The following RARB variants were observed in gnomAD, a reference collection of about 807,000 sequenced individuals.
The protein encoded by RARB is retinoic acid receptor beta, also known as HBV-activated protein.
A neutral mutation model predicts 51.9 loss-of-function variants in RARB; 17 were observed. That is an observed-to-expected ratio of 0.33 (90% CI 0.22 to 0.49). The LOEUF is 0.49. Among genes scored for constraint, RARB ranks in the 20% least tolerant of loss-of-function variants. The pLI is 0.99. For synonymous variants in RARB, 215 were observed against 195.4 expected, an observed-to-expected ratio of 1.10 and a Z score of -0.84; for missense variants, 369 against 550.8, an observed-to-expected ratio of 0.67 and a Z score of 3.30.
intron 1 of RARB, among the ~76,000 whole-genome samples, chr3:24,833,555 C>T (rs1301646031): frequency 6.6e-6 from 1 of 152,200 alleles, no homozygotes; most frequent in Admixed American, 6.5e-5. Context: ...TTAACGTCTC[C>T]ATTTGGATGT....
At chr3:25,483,899 G>A (rs1261783654) in intron 2 of RARB, among the ~76,000 whole-genome samples, 1 of 152,148 alleles carries the variant, frequency 6.6e-6, no homozygotes, top group Admixed American at 6.5e-5. Context: ...GTTCTCAAGT[G>A]CATATTGGGC....
chr3:25,266,080 A>C (rs67912541), intron 5 of RARB, among the ~76,000 whole-genome samples: 16,085 of 152,180 alleles, frequency 0.11, 1,006 homozygotes, highest in South Asian at 0.25. Flanking sequence ...TGCATAATCC[A>C]GGATCAATTC....
chr3:25,117,444 A>G (rs1211067450), intron 3 of RARB, among the ~76,000 whole-genome samples: 1 of 152,182 alleles, frequency 6.6e-6, no homozygotes, highest in Non-Finnish European at 1.5e-5. Context: ...CATGGGCCCA[A>G]TCAAAGAGCA....
intron 5 of RARB, among the ~76,000 whole-genome samples, chr3:25,217,345 A>T (rs988963234): frequency 2.0e-5 from 3 of 152,186 alleles, no homozygotes; most frequent in South Asian, 2.1e-4. Flanking sequence ...GATTATAAGC[A>T]TATATGACTC....
intron 5 of RARB, among the ~76,000 whole-genome samples, chr3:25,320,770 T>C (rs533478602): frequency 3.0e-4 from 45 of 152,288 alleles, no homozygotes; most frequent in Middle Eastern, 3.4e-3. Context: ...TGTTTGTTTG[T>C]TTTTGACCAG....
At chr3:24,932,216 T>C (rs892680933) in intron 2 of RARB, among the ~76,000 whole-genome samples, 2 of 152,002 alleles carry the variant, frequency 1.3e-5, no homozygotes, top group African/African-American at 4.8e-5. Context: ...CCTTGATCTA[T>C]AGGGCAAGCA....
intron 2 of RARB, among the ~76,000 whole-genome samples, chr3:25,499,297 T>C (rs1031510541): frequency 6.6e-6 from 1 of 152,236 alleles, no homozygotes; most frequent in Non-Finnish European, 1.5e-5. Flanking sequence ...TTTGATGATG[T>C]GTTTCTTACA....
intron 1 of RARB, among the ~76,000 whole-genome samples, chr3:24,851,492 C>T (rs73820098): frequency 0.01 from 1,563 of 151,694 alleles, 23 homozygotes; most frequent in African/African-American, 0.032. Flanking sequence ...TCAGCTGATG[C>T]GGTTCCGTCC....
At chr3:24,980,548 G>T (rs1440048203) in intron 2 of RARB, among the ~76,000 whole-genome samples, 5 of 151,972 alleles carry the variant, frequency 3.3e-5, no homozygotes, top group African/African-American at 1.2e-4. Context: ...TCTTCCACTT[G>T]ATCGAATCGG....
chr3:25,079,500 T>C (rs1404431563), intron 3 of RARB, among the ~76,000 whole-genome samples: 3 of 152,196 alleles, frequency 2.0e-5, no homozygotes, highest in Admixed American at 1.3e-4. Flanking sequence ...TACTAACAGC[T>C]GCTTATCATT....
chr3:24,970,706 A>G (rs1696379465), intron 2 of RARB, among the ~76,000 whole-genome samples: 1 of 151,908 alleles, frequency 6.6e-6, no homozygotes, highest in South Asian at 2.1e-4. Context: ...AAAAAAAAAT[A>G]CAGCATTGTG....
intron 5 of RARB, among the ~76,000 whole-genome samples, chr3:25,327,569 C>T (rs9832914): frequency 0.19 from 29,371 of 152,062 alleles, 3,027 homozygotes; most frequent in African/African-American, 0.26. Flanking sequence ...TCTTTAGATA[C>T]GTAAGGTCTC....
intron 5 of RARB, among the ~76,000 whole-genome samples, chr3:25,309,454 A>G (rs1229172543): frequency 4.9e-5 from 6 of 121,542 alleles, no homozygotes; most frequent in Admixed American, 1.8e-4. Context: ...TATTCTTACA[A>G]TGGAGTCTGA....
chr3:25,065,552 A>G (rs534069002), intron 3 of RARB, among the ~76,000 whole-genome samples: 3 of 152,350 alleles, frequency 2.0e-5, no homozygotes, highest in South Asian at 4.1e-4. Flanking sequence ...TTCTGTTGCT[A>G]TATATGTGAC....
At chr3:24,891,371 GA>G (rs1466000841) in intron 2 of RARB, among the ~76,000 whole-genome samples, 5 of 152,082 alleles carry the variant, frequency 3.3e-5, no homozygotes, top group African/African-American at 1.2e-4. Flanking sequence ...GAAGCCTCGG[GA>G]AAGTTACTTG....
intron 3 of RARB, among the ~76,000 whole-genome samples, chr3:25,109,535 G>T (rs1699565017): frequency 6.6e-6 from 1 of 152,152 alleles, no homozygotes. Flanking sequence ...ATATTTGAAA[G>T]TTGGATATGC....
intron 5 of RARB, among the ~76,000 whole-genome samples, chr3:25,375,586 T>C (rs1706436270): frequency 6.6e-6 from 1 of 152,176 alleles, no homozygotes; most frequent in African/African-American, 2.4e-5. Flanking sequence ...ATGGGGCTAA[T>C]ATATATAGGT....
chr3:25,196,908 G>A (rs1701255311), intron 5 of RARB, among the ~76,000 whole-genome samples: 2 of 151,580 alleles, frequency 1.3e-5, no homozygotes, highest in Non-Finnish European at 3.0e-5. Context: ...CCCACTTTTT[G>A]ATGGGGTTGA....
chr3:24,973,668 A>G (rs894546727), intron 2 of RARB, among the ~76,000 whole-genome samples: 3 of 151,944 alleles, frequency 2.0e-5, no homozygotes, highest in Admixed American at 6.6e-5. Flanking sequence ...GATCTTTCAC[A>G]TCTTTGGTTA....
Sources: gnomAD v4.1 joint callset for allele counts (sites outside exome capture counted in the v4.1 genomes callset) on GRCh38, gnomAD v4.1.1 for gene constraint, MANE v1.5 for transcripts, NCBI Gene and HGNC (gene_info 2026-07-23, HGNC 2026-07-21) for gene names.